Variants in FMN1 observed in about 807,000 individuals in gnomAD.
The protein encoded by FMN1 is formin-1.
A neutral mutation model predicts 132.4 loss-of-function variants in FMN1; 110 were observed. That is an observed-to-expected ratio of 0.83 (90% CI 0.71 to 0.97). The LOEUF is 0.97. Among genes scored for constraint, FMN1 ranks in the 50% least tolerant of loss-of-function variants. FMN1 has a pLI of 0.00. For missense variants in FMN1, 1,792 were observed against 1,705.3 expected (o/e 1.05, Z -0.90); for synonymous variants, 722 against 651.7 (o/e 1.11, Z -1.64).
At chr15:33,105,374 AAT>A (rs1428804487) in intron 4 of FMN1, among the ~76,000 whole-genome samples, 1 of 152,080 alleles carries the variant, frequency 6.6e-6, no homozygotes, top group Non-Finnish European at 1.5e-5. Flanking sequence ...CCCTATTAAA[AAT>A]AGGATTGTAG....
At chr15:32,833,924 G>C (rs968659931) in intron 17 of FMN1, among the ~76,000 whole-genome samples, 8 of 152,152 alleles carry the variant, frequency 5.3e-5, no homozygotes, top group Non-Finnish European at 1.2e-4. Flanking sequence ...CATAAGCCCA[G>C]ACCTTACACT....
At chr15:32,790,009 G>A (rs1051652648) in intron 19 of FMN1, among the ~76,000 whole-genome samples, 1 of 144,498 alleles carries the variant, frequency 6.9e-6, no homozygotes, top group African/African-American at 2.6e-5. Context: ...ACCTAACAAT[G>A]CGTTTCTCAC....
At chr15:32,920,338 A>C (rs1400214626) in intron 10 of FMN1, among the ~76,000 whole-genome samples, 1 of 152,110 alleles carries the variant, frequency 6.6e-6, no homozygotes, top group African/African-American at 2.4e-5. Flanking sequence ...ACTTATTCAG[A>C]GTCTCTCCTG....
chr15:33,078,029 C>T (rs529658772), intron 5 of FMN1, among the ~76,000 whole-genome samples: 1 of 151,366 alleles, frequency 6.6e-6, no homozygotes, highest in East Asian at 1.9e-4. Context: ...AACACCAATT[C>T]TTAAACAGAG....
intron 16 of FMN1, among the ~76,000 whole-genome samples, chr15:32,886,425 T>C (rs2059899040): frequency 6.6e-6 from 1 of 152,162 alleles, no homozygotes; most frequent in Admixed American, 6.5e-5. Context: ...GAGGAAAGTG[T>C]CAGTTGAGTA....
At chr15:32,917,914 A>G (rs945489552) in intron 10 of FMN1, among the ~76,000 whole-genome samples, 3 of 152,200 alleles carry the variant, frequency 2.0e-5, no homozygotes, top group African/African-American at 4.8e-5. Context: ...CCATGTTATG[A>G]AAATTTCATT....
chr15:33,019,963 A>T (rs796532156), intron 6 of FMN1, among the ~76,000 whole-genome samples: 3 of 152,312 alleles, frequency 2.0e-5, no homozygotes, highest in African/African-American at 7.2e-5. Context: ...GTGTGGCCAG[A>T]ATGGGCGCCA....
At chr15:33,015,609 A>T (rs1346708210) in intron 6 of FMN1, among the ~76,000 whole-genome samples, 1 of 151,570 alleles carries the variant, frequency 6.6e-6, no homozygotes, top group Non-Finnish European at 1.5e-5. Flanking sequence ...ACATGGATCT[A>T]CTCCTACCCG....
chr15:32,923,367 C>T (rs1318287058), intron 10 of FMN1, among the ~76,000 whole-genome samples: 2 of 152,226 alleles, frequency 1.3e-5, no homozygotes, highest in East Asian at 3.8e-4. Context: ...AGCCTGGGCT[C>T]CTAATGACCT....
intron 15 of FMN1, among the ~76,000 whole-genome samples, chr15:32,889,762 G>A (rs1047506009): frequency 3.9e-5 from 6 of 152,138 alleles, no homozygotes; most frequent in Non-Finnish European, 8.8e-5. Flanking sequence ...CATTATCACA[G>A]CATTTATCAC....
At chr15:32,893,223 G>A (rs1460455926) in intron 15 of FMN1, among the ~76,000 whole-genome samples, 5 of 152,176 alleles carry the variant, frequency 3.3e-5, no homozygotes, top group African/African-American at 1.2e-4. Flanking sequence ...TAAAATGGAA[G>A]CAGTACTCTC....
intron 4 of FMN1, among the ~76,000 whole-genome samples, chr15:33,122,169 T>A (rs548768888): frequency 6.6e-6 from 1 of 152,230 alleles, no homozygotes; most frequent in African/African-American, 2.4e-5. Context: ...TTAAGTGCAA[T>A]GTTCTTAGGT....
intron 7 of FMN1, among the ~76,000 whole-genome samples, chr15:32,987,852 CAT>C (rs2033168393): frequency 6.6e-6 from 1 of 152,068 alleles, no homozygotes; most frequent in African/African-American, 2.4e-5. Context: ...AAAGGGGAAA[CAT>C]GTCTTTCTGT....
At chr15:32,936,547 GCTC>G (rs1415281052) in intron 9 of FMN1, among the ~76,000 whole-genome samples, 1 of 152,142 alleles carries the variant, frequency 6.6e-6, no homozygotes, top group African/African-American at 2.4e-5. Flanking sequence ...AAGCTGTCCA[GCTC>G]CTTTTTGTTC....
In FMN1 at chr15:33,022,575, A is replaced by G. The variant is rs925839167; in HGVS notation, c.2162-14500T>C. Among the ~76,000 whole-genome samples, 5 of 152,360 alleles carry G rather than the reference A, an allele frequency of 3.3e-5. No individual in the cohort carries two copies. The East Asian group carries it at 9.6e-4, about 29-fold the overall frequency. ...CCCTCCTAAGCCTATGTAACAATGA[A>G]AATTATAACATAAAGCAAGTAAAAG... On this transcript the variant is annotated intron_variant, in intron 6 of 20. Coordinates refer to ENST00000616417, the MANE Select transcript of FMN1 (RefSeq NM_001277313.2).
intron 17 of FMN1, among the ~76,000 whole-genome samples, chr15:32,851,513 T>A (rs2059008136): frequency 6.6e-6 from 1 of 152,184 alleles, no homozygotes; most frequent in Non-Finnish European, 1.5e-5. Flanking sequence ...TGCACAAGGT[T>A]ATTCTGAACT....
chr15:33,143,472 T>C (rs1964089718), intron 4 of FMN1, among the ~76,000 whole-genome samples: 3 of 152,342 alleles, frequency 2.0e-5, no homozygotes, highest in Admixed American at 2.0e-4. Context: ...AGGTATACAA[T>C]GATGAATGTG....
intron 4 of FMN1, among the ~76,000 whole-genome samples, chr15:33,128,735 G>A (rs145131988): frequency 3.3e-5 from 5 of 152,322 alleles, no homozygotes; most frequent in South Asian, 2.1e-4. Flanking sequence ...GCTCTTAAAG[G>A]TGATGTGGTG....
chr15:33,124,776 T>G (rs2468735), intron 4 of FMN1, among the ~76,000 whole-genome samples: 2 of 151,692 alleles, frequency 1.3e-5, no homozygotes, highest in African/African-American at 2.4e-5. Flanking sequence ...CTCCTTAATT[T>G]TGGATTTTGT....
Sources: gnomAD v4.1 joint callset for allele counts (sites outside exome capture counted in the v4.1 genomes callset) on GRCh38, gnomAD v4.1.1 for gene constraint, MANE v1.5 for transcripts, NCBI Gene and HGNC (gene_info 2026-07-23, HGNC 2026-07-21) for gene names.